Variants in DENND5A observed in about 807,000 individuals in gnomAD.
The protein encoded by DENND5A is DENN domain containing 5A.
A neutral mutation model predicts 140.3 loss-of-function variants in DENND5A; 64 were observed. The observed-to-expected ratio is 0.46, with a 90% CI of 0.37 to 0.56. The LOEUF (loss-of-function observed/expected upper bound fraction) is 0.56. Among genes scored for constraint, DENND5A ranks in the 20% least tolerant of loss-of-function variants. The pLI is 0.00. For missense variants in DENND5A, 1,292 were observed against 1,593.8 expected, an observed-to-expected ratio of 0.81 and a Z score of 3.22; for synonymous variants, 605 against 607.7, an observed-to-expected ratio of 1.00 and a Z score of 0.07.
At chr11:9,262,521 C>T (rs1852249916) in intron 1 of DENND5A, among the ~76,000 whole-genome samples, 1 of 152,102 alleles carries the variant, frequency 6.6e-6, no homozygotes, top group African/African-American at 2.4e-5. Flanking sequence ...GAGCACTGGA[C>T]CAAGCAATTA....
chr11:9,193,932 A>T lies in DENND5A; in HGVS notation c.950-251T>A, dbSNP rs1409090964. Among the ~76,000 whole-genome samples, 10 of 152,342 alleles carry T rather than the reference A, an allele frequency of 6.6e-5. No homozygotes were observed. The East Asian group carries it at 1.9e-3, about 29-fold the overall frequency. On this transcript the variant is annotated intron_variant, in intron 4 of 22. Coordinates refer to ENST00000328194, the MANE Select transcript of DENND5A (RefSeq NM_015213.4). ...TGCTCATAATAAAATCTAATATGGAAATACAACAAAAATAATTAATGACAT... is the reference window on the plus strand; with the variant it reads ...TGCTCATAATAAAATCTAATATGGATATACAACAAAAATAATTAATGACAT...
chr11:9,252,075 G>A (rs555803175), intron 1 of DENND5A, among the ~76,000 whole-genome samples: 25 of 151,394 alleles, frequency 1.7e-4, no homozygotes, highest in African/African-American at 4.1e-4. Flanking sequence ...CGAGGCGGGC[G>A]GATCACGAGG....
chr11:9,191,784 C>T (rs1029026186), intron 5 of DENND5A, among the ~76,000 whole-genome samples: 2 of 152,188 alleles, frequency 1.3e-5, no homozygotes, highest in Non-Finnish European at 2.9e-5. Flanking sequence ...ACATAGCTTG[C>T]CTCTTTGGCC....
At position 9,203,712 on chromosome 11, in the gene DENND5A, A is replaced by G; in HGVS notation, c.897T>C (p.Phe299=). ...CCAGAAGGGCACAAGTAAAAAGCTGAAACACATTCTCCACCCCGAGCAGTT... is the reference window on the plus strand; with the variant it reads ...CCAGAAGGGCACAAGTAAAAAGCTGGAACACATTCTCCACCCCGAGCAGTT... ...VFELLGVENV[F]QLFTCALLEF... The change falls in exon 4 of 23, where the codon TTT becomes TTC. Residue 299 remains phenylalanine, a synonymous_variant. Coordinates refer to ENST00000328194, the MANE Select transcript of DENND5A (RefSeq NM_015213.4). The G allele has an allele frequency of 6.2e-7, 1 of 1,614,172 alleles. No homozygotes were observed. Among genetic ancestry groups the G allele is most frequent in the East Asian group, 2.2e-5 (1 of 44,888 alleles).
At chr11:9,171,388 C>T (rs1357585581) in intron 8 of DENND5A, 7 of 152,244 alleles carry the variant, frequency 4.6e-5, no homozygotes, top group Non-Finnish European at 1.5e-5. Context: ...AGGGTCTTGC[C>T]TCAGTAGTAG....
At chr11:9,215,429 G>A (rs1162872591) in intron 1 of DENND5A, among the ~76,000 whole-genome samples, 1 of 152,120 alleles carries the variant, frequency 6.6e-6, no homozygotes, top group Non-Finnish European at 1.5e-5. Context: ...CGAATGCCCT[G>A]CAGAGCACAC....
chr11:9,140,224 A>G, intron 22 of DENND5A: 1 of 1,315,922 alleles, frequency 7.6e-7, no homozygotes, highest in Non-Finnish European at 9.9e-7. Context: ...GCACTGACAT[A>G]AGAGATTTAA....
At chr11:9,264,903 C>A in intron 1 of DENND5A, 58 bp downstream of exon 1, 1 of 1,419,314 alleles carries the variant, frequency 7.0e-7, no homozygotes, top group South Asian at 1.2e-5. Context: ...AAGGTTTCTT[C>A]TGGGGTCCCC....
intron 4 of DENND5A, among the ~76,000 whole-genome samples, chr11:9,196,381 T>C (rs922326414): frequency 2.6e-5 from 4 of 151,906 alleles, no homozygotes; most frequent in Non-Finnish European, 5.9e-5. Context: ...TCCTGGGAGG[T>C]TGCAAAACAA....
Position 9,204,122 on chromosome 11 carries a change from C to T in DENND5A, c.487G>A (p.Val163Ile), listed in dbSNP as rs1421722812. 6.2e-7 allele frequency: 1 copy of T among 1,614,050 alleles called. No individual in the cohort carries two copies. The highest frequency in any genetic ancestry group is 8.5e-7 in the Non-Finnish European group (1 of 1,180,034). The change falls in exon 4 of 23, where the codon GTC becomes ATC. Residue 163 changes from valine to isoleucine, a missense_variant. This residue lies in a region of DENND5A where 566 missense variants were observed against 650.4 expected (regional missense o/e 0.87). Transcript: ENST00000328194. Reference protein sequence around the residue: ...LYHMHNAEYDVLHAPPADDRD... With the variant: ...LYHMHNAEYDILHAPPADDRD... ...TCATCAGCAGGGGGAGCATGTAGGACATCATACTCAGCATTGTGCATGTGG... is the reference window on the plus strand; with the variant it reads ...TCATCAGCAGGGGGAGCATGTAGGATATCATACTCAGCATTGTGCATGTGG...
chr11:9,252,295 CA>C (rs11422899), intron 1 of DENND5A, among the ~76,000 whole-genome samples: 139 of 69,034 alleles, frequency 2.0e-3, no homozygotes, highest in East Asian at 5.5e-3. Context: ...GACTCCGTCT[CA>C]AAAAAAAAAA....
chr11:9,149,723 T>G (rs1184424577), intron 15 of DENND5A, among the ~76,000 whole-genome samples: 2 of 152,172 alleles, frequency 1.3e-5, no homozygotes, highest in African/African-American at 2.4e-5. Context: ...TTCCTTTTAA[T>G]TCTCCAATCC....
rs146742526 is a variant in DENND5A, at chr11:9,203,261, A to C, written c.949+399T>G. ...AGATGCAACACATCCACATTTTCTC[A>C]ATATATAAAGGATTATCCTTTGTGA... On this transcript the variant is annotated intron_variant, in intron 4 of 22. Transcript: ENST00000328194. Among the ~76,000 whole-genome samples, 25 of 152,294 alleles carry C rather than the reference A, an allele frequency of 1.6e-4. No homozygotes were observed. In the East Asian group the frequency reaches 4.6e-3, roughly 28 times the overall value.
chr11:9,229,899 C>CTTTTT (rs71062816), intron 1 of DENND5A, among the ~76,000 whole-genome samples: 719 of 64,894 alleles, frequency 0.011, 3 homozygotes, highest in African/African-American at 0.016. Context: ...GCTCCCATTT[C>CTTTTT]TTTTTTTTTT....
Position 9,164,193 on chromosome 11 carries a change from AATTTTTTTTTTTTTTTTTTTT to A in DENND5A, c.2283+1622_2283+1642del, listed in dbSNP as rs1170161252. Among the ~76,000 whole-genome samples the A allele has an allele frequency of 4.2e-3, 384 of 91,776 alleles. 4 individuals are homozygous for A. The highest frequency in any genetic ancestry group is 0.017 in the African/African-American group (361 of 21,854). 60.2% of individuals were successfully genotyped at this position (91,776 alleles called of 152,430 possible). ...ACTAAAGGTGTGCACCACCACGCCTAATTTTTTTTTTTTTTTTTTTTTTTTTTTTTTTTTTTTTTAGTAGAG... is the reference window on the plus strand; with the variant it reads ...ACTAAAGGTGTGCACCACCACGCCTATTTTTTTTTTTTTTTTTTAGTAGAG... On this transcript the variant is annotated intron_variant, in intron 11 of 22. Coordinates refer to ENST00000328194, the MANE Select transcript of DENND5A (RefSeq NM_015213.4).
chr11:9,205,492 A>C (rs1419856811), intron 3 of DENND5A, among the ~76,000 whole-genome samples: 2 of 152,204 alleles, frequency 1.3e-5, no homozygotes, highest in African/African-American at 4.8e-5. Context: ...TCTCAAAGAC[A>C]GTTTCTTCAT....
intron 1 of DENND5A, among the ~76,000 whole-genome samples, 157 bp downstream of exon 1, chr11:9,264,804 C>G (rs976850233): frequency 2.0e-5 from 3 of 152,334 alleles, no homozygotes; most frequent in African/African-American, 4.8e-5. Context: ...CCGTTTCCCC[C>G]CTCCAGTCCA....
chr11:9,221,116 T>G (rs1304107943), intron 1 of DENND5A, among the ~76,000 whole-genome samples: 1 of 151,256 alleles, frequency 6.6e-6, no homozygotes, highest in Non-Finnish European at 1.5e-5. Context: ...CAAAAAACTT[T>G]GGTATCAGAA....
At chr11:9,203,586 A>G in intron 4 of DENND5A, 74 bp downstream of exon 4, 1 of 1,498,890 alleles carries the variant, frequency 6.7e-7, no homozygotes, top group Middle Eastern at 1.8e-4. Context: ...CTTTACAGTC[A>G]GCCTCACTGT....
Sources: allele counts gnomAD v4.1 joint callset (sites outside exome capture counted in the v4.1 genomes callset), GRCh38; gene constraint gnomAD v4.1.1; regional missense constraint gnomAD v4.1.1; transcripts MANE v1.5; gene names NCBI Gene and HGNC (gene_info 2026-07-23, HGNC 2026-07-21).